CNTNAP2: variants seen among roughly 807,000 people sequenced by gnomAD.
CNTNAP2 encodes contactin associated protein 2, also known as contactin-associated protein-like 2.
Under a neutral mutation model 155.2 loss-of-function variants are expected in CNTNAP2, and 98 were observed. The ratio of observed to expected loss-of-function variants is 0.63; its 90% CI spans 0.54 to 0.75. CNTNAP2 has a LOEUF of 0.75. Ranked by LOEUF, CNTNAP2 falls within the 30% of genes least tolerant of loss-of-function variation. The pLI is 0.00. For synonymous variants in CNTNAP2, 651 were observed against 631.2 expected, an observed-to-expected ratio of 1.03 and a Z score of -0.47; for missense variants, 1,727 against 1,688.1, an observed-to-expected ratio of 1.02 and a Z score of -0.40.
intron 12 of CNTNAP2, among the ~76,000 whole-genome samples, chr7:147,612,430 T>A (rs991954014): frequency 2.0e-5 from 3 of 147,820 alleles, no homozygotes; most frequent in African/African-American, 7.6e-5. Flanking sequence ...TGAGACGGAG[T>A]CTTTCTGTTG....
In CNTNAP2 at chr7:146,850,713, A is replaced by C. The variant is rs1311314446; in HGVS notation, c.402+10809A>C. On this transcript the variant is annotated intron_variant, in intron 3 of 23. Transcript: ENST00000361727. ...ATATATCTCTGTATGAAAGCAAAAA[A>C]AAATTGTAATGGTTGAATAAATATC... is the stretch of plus-strand genomic sequence containing the variant. 3.3e-5 allele frequency among the ~76,000 whole-genome samples: 5 copies of C among 152,294 alleles called. No individual in the cohort carries two copies. In the East Asian group the frequency reaches 5.8e-4, roughly 18 times the overall value.
chr7:147,575,501 G>A (rs1329972027), intron 12 of CNTNAP2, among the ~76,000 whole-genome samples: 3 of 91,338 alleles, frequency 3.3e-5, no homozygotes, highest in Non-Finnish European at 6.7e-5. Context: ...CTAGCTTTAG[G>A]GGTATACAAC....
At chr7:147,631,272 A>G (rs1228259562) in intron 12 of CNTNAP2, among the ~76,000 whole-genome samples, 1 of 152,120 alleles carries the variant, frequency 6.6e-6, no homozygotes, top group East Asian at 1.9e-4. Context: ...ACTATACCTA[A>G]CCAAGGAGGT....
chr7:147,634,052 C>T (rs1029915101), intron 12 of CNTNAP2, among the ~76,000 whole-genome samples: 2 of 151,974 alleles, frequency 1.3e-5, no homozygotes, highest in African/African-American at 2.4e-5. Flanking sequence ...ATGGAGATTC[C>T]CTAAAGAACT....
At chr7:148,250,121 C>T (rs996195579) in intron 20 of CNTNAP2, among the ~76,000 whole-genome samples, 43 of 152,228 alleles carry the variant, frequency 2.8e-4, no homozygotes, top group African/African-American at 7.5e-4. Flanking sequence ...GGAATTCTCC[C>T]GCCTTGGCTG....
chr7:147,759,146 C>G (rs1797260998), intron 13 of CNTNAP2, among the ~76,000 whole-genome samples: 1 of 152,258 alleles, frequency 6.6e-6, no homozygotes, highest in African/African-American at 2.4e-5. Flanking sequence ...AGTCCCTCCT[C>G]CCATGCGTAA....
intron 9 of CNTNAP2, among the ~76,000 whole-genome samples, chr7:147,351,042 A>G (rs958411047): frequency 2.6e-5 from 4 of 151,712 alleles, no homozygotes; most frequent in Middle Eastern, 3.2e-3. Context: ...ACTTAAACCA[A>G]TGCTTTCAAG....
chr7:147,069,827 T>C (rs1321768275), intron 4 of CNTNAP2, among the ~76,000 whole-genome samples: 2 of 152,226 alleles, frequency 1.3e-5, no homozygotes, highest in African/African-American at 4.8e-5. Context: ...CAGTAGCCAC[T>C]AGCCATATGT....
chr7:146,339,306 G>A (rs938521212), intron 1 of CNTNAP2, among the ~76,000 whole-genome samples: 6 of 152,064 alleles, frequency 3.9e-5, no homozygotes, highest in African/African-American at 1.2e-4. Flanking sequence ...GCTTGCAGAG[G>A]AATAAATTCT....
At chr7:147,878,830 G>GTC (rs1799470294) in intron 13 of CNTNAP2, among the ~76,000 whole-genome samples, 1 of 152,120 alleles carries the variant, frequency 6.6e-6, no homozygotes, top group Non-Finnish European at 1.5e-5. Context: ...TTACCAAACT[G>GTC]AAGCTTCTGG....
chr7:147,551,741 G>T (rs1405180654), intron 11 of CNTNAP2, among the ~76,000 whole-genome samples: 3 of 151,922 alleles, frequency 2.0e-5, no homozygotes, highest in Non-Finnish European at 4.4e-5. Flanking sequence ...GTTTCGGTTT[G>T]AAAAAAGACT....
intron 1 of CNTNAP2, among the ~76,000 whole-genome samples, chr7:146,411,961 C>G (rs1639497): frequency 1.1e-4 from 17 of 151,814 alleles, no homozygotes; most frequent in Non-Finnish European, 1.0e-4. Flanking sequence ...CTCAACCTCC[C>G]GAGTAGCTGG....
At chr7:147,411,074 A>G (rs1381015489) in intron 10 of CNTNAP2, among the ~76,000 whole-genome samples, 3 of 152,200 alleles carry the variant, frequency 2.0e-5, no homozygotes, top group Admixed American at 6.5e-5. Context: ...TGTCTGTGAA[A>G]CTGGCATCAT....
chr7:147,827,342 A>G (rs1248554101), intron 13 of CNTNAP2, among the ~76,000 whole-genome samples: 1 of 152,150 alleles, frequency 6.6e-6, no homozygotes, highest in African/African-American at 2.4e-5. Flanking sequence ...CTTGCAATCC[A>G]GTTAATCCCT....
In CNTNAP2 at chr7:147,144,768, T is replaced by C. The variant is rs538690032; in HGVS notation, c.1348+12259T>C. 2.0e-5 allele frequency among the ~76,000 whole-genome samples: 3 copies of C among 152,334 alleles called. No individual in the cohort carries two copies. In the East Asian group the frequency reaches 5.8e-4, roughly 29 times the overall value. ...TGTAATACACAATAAGTTTATTACA[T>C]AGAATAGCCAATAGGCATCAATATT... On this transcript the variant is annotated intron_variant, in intron 8 of 23. Transcript: ENST00000361727.
At chr7:148,388,447 A>T (rs1210256545) in intron 22 of CNTNAP2, among the ~76,000 whole-genome samples, 2 of 151,776 alleles carry the variant, frequency 1.3e-5, no homozygotes, top group Non-Finnish European at 2.9e-5. Flanking sequence ...TTCCAATTTC[A>T]TCCATGTCCC....
At chr7:147,962,326 A>G (rs888376755) in intron 14 of CNTNAP2, among the ~76,000 whole-genome samples, 1 of 152,232 alleles carries the variant, frequency 6.6e-6, no homozygotes. Context: ...ATGTTAGTCT[A>G]TGTGCTTTGG....
At chr7:147,063,471 AT>A (rs1799721600) in intron 4 of CNTNAP2, among the ~76,000 whole-genome samples, 1 of 152,128 alleles carries the variant, frequency 6.6e-6, no homozygotes, top group African/African-American at 2.4e-5. Flanking sequence ...TTATAGATGC[AT>A]TTTTAAGGGA....
intron 21 of CNTNAP2, among the ~76,000 whole-genome samples, chr7:148,356,900 C>CA (rs898262041): frequency 1.2e-3 from 172 of 147,482 alleles, no homozygotes; most frequent in Admixed American, 3.8e-3. Context: ...ATTAAAAAAA[C>CA]AAAAAAACAA....
Sources: gnomAD v4.1 joint callset for allele counts (sites outside exome capture counted in the v4.1 genomes callset) on GRCh38, gnomAD v4.1.1 for gene constraint, MANE v1.5 for transcripts, NCBI Gene and HGNC (gene_info 2026-07-23, HGNC 2026-07-21) for gene names.